The following MYH15 variants were observed in gnomAD, a reference collection of about 807,000 sequenced individuals.
The protein encoded by MYH15 is myosin-15.
A neutral mutation model predicts 240.5 loss-of-function variants in MYH15; 227 were observed. That is an observed-to-expected ratio of 0.94 (90% CI 0.85 to 1.05). The LOEUF (loss-of-function observed/expected upper bound fraction) is 1.05. MYH15 is among the 50% of genes least tolerant of loss of function. The pLI, the probability that MYH15 is intolerant of heterozygous loss-of-function variation, is 0.00. For synonymous variants in MYH15, 785 were observed against 796.7 expected (o/e 0.99, Z 0.25); for missense variants, 2,217 against 2,247.5 (o/e 0.99, Z 0.27).
At chr3:108,537,894 CTTGT>C in the MYH15 span, among the ~76,000 whole-genome samples, 1 of 152,144 alleles carries the variant, frequency 6.6e-6, no homozygotes, top group Non-Finnish European at 1.5e-5. Context: ...TTACTACAGT[CTTGT>C]TTCTCAAAGT....
At chr3:108,529,248 T>G (rs769864661) in intron 1 of MYH15, 1 of 1,601,690 alleles carries the variant, frequency 6.2e-7, no homozygotes, top group Admixed American at 1.7e-5. Flanking sequence ...AAACATATGT[T>G]GGGAGTCCAC....
the MYH15 span, among the ~76,000 whole-genome samples, chr3:108,540,810 A>G: frequency 6.6e-6 from 1 of 152,268 alleles, no homozygotes; most frequent in South Asian, 2.1e-4. Context: ...TAAAACTTGG[A>G]TATGAAAATG....
the MYH15 span, among the ~76,000 whole-genome samples, chr3:108,545,263 C>T: frequency 6.6e-6 from 1 of 152,010 alleles, no homozygotes; most frequent in Non-Finnish European, 1.5e-5. Flanking sequence ...AAGATTTAAC[C>T]CCTAATCTCT....
At chr3:108,478,285 A>G (rs751325774) in intron 11 of MYH15, among the ~76,000 whole-genome samples, 3 of 152,216 alleles carry the variant, frequency 2.0e-5, no homozygotes, top group Non-Finnish European at 4.4e-5. Context: ...ATCAATATAT[A>G]TAATACATAC....
chr3:108,466,532 C>G (rs2083119564), intron 14 of MYH15, among the ~76,000 whole-genome samples: 1 of 152,156 alleles, frequency 6.6e-6, no homozygotes, highest in Non-Finnish European at 1.5e-5. Flanking sequence ...AGTTCCCTTT[C>G]TGTTGTGCTC....
At chr3:108,452,062 T>C (rs916565814) in intron 21 of MYH15, among the ~76,000 whole-genome samples, 18 of 151,190 alleles carry the variant, frequency 1.2e-4, no homozygotes, top group Non-Finnish European at 2.4e-4. Flanking sequence ...GTCAGAAATA[T>C]GAAGACATTT....
rs568044336 is a variant in MYH15, at chr3:108,471,973, A to G, written c.1234-1126T>C. 7.9e-5 allele frequency among the ~76,000 whole-genome samples: 12 copies of G among 152,310 alleles called. No homozygotes were observed. In the South Asian group the frequency reaches 2.5e-3, roughly 32 times the overall value. On this transcript the variant is annotated intron_variant, in intron 12 of 40. Coordinates refer to ENST00000693548, the MANE Select transcript of MYH15 (RefSeq NM_014981.3). ...CTGGAAAGCAACATCTTCATCTGAA[A>G]AACACTCTTAAAGGATCTTCCTAGC... is the stretch of plus-strand genomic sequence containing the variant.
intron 37 of MYH15, among the ~76,000 whole-genome samples, chr3:108,390,182 T>TG (rs1560307960): frequency 6.6e-6 from 1 of 152,120 alleles, no homozygotes; most frequent in African/African-American, 2.4e-5. Flanking sequence ...TAAAACACCT[T>TG]GGGGAAAAAC....
At chr3:108,529,446 C>T (rs2083697668), upstream of MYH15, 1 of 537,108 alleles carries the variant, frequency 1.9e-6, no homozygotes. Context: ...GTGCTTGGGA[C>T]AGGGAAATAA....
rs77735716 is a variant in MYH15, at chr3:108,431,418, C to G, written c.3222-496G>C. On this transcript the variant is annotated intron_variant, in intron 25 of 40. Transcript: ENST00000693548. ...TGTGGTAGTGACTAAGTCTATCTAACAAGATCTAACGTTTTATAAAGAGGA... is the reference window on the plus strand; with the variant it reads ...TGTGGTAGTGACTAAGTCTATCTAAGAAGATCTAACGTTTTATAAAGAGGA... 7.5e-3 allele frequency among the ~76,000 whole-genome samples: 1,143 copies of G among 152,290 alleles called. 18 individuals carry two copies. Among genetic ancestry groups the G allele is most frequent in the African/African-American group, 0.026 (1,069 of 41,542 alleles).
In MYH15 at chr3:108,444,877, G is replaced by A. The variant is rs754969517; in HGVS notation, c.2418C>T (p.Ile806=). Residue 806 remains isoleucine (I), a synonymous_variant, in exon 22 of 41, where the codon ATC becomes ATT. Transcript: ENST00000693548. ...ILEERDALIL[I]QWNIRAFMAV... is the part of the protein sequence containing the mutation. The stretch of plus-strand genomic sequence containing the variant: ...CCATGAAAGCTCTTATGTTCCATTG[G>A]ATCAAAATAAGTGCATCCCTAAATC... The A allele has an allele frequency of 6.2e-7, 1 of 1,611,702 alleles. No homozygotes were observed.
intron 9 of MYH15, among the ~76,000 whole-genome samples, chr3:108,491,165 G>T (rs1434023288): frequency 6.6e-6 from 1 of 152,100 alleles, no homozygotes; most frequent in Non-Finnish European, 1.5e-5. Flanking sequence ...TGGGATTACA[G>T]GTAGGAGTCA....
upstream of MYH15, among the ~76,000 whole-genome samples, chr3:108,531,767 A>AC (rs1183591772): frequency 1.3e-5 from 2 of 148,330 alleles, no homozygotes; most frequent in Non-Finnish European, 3.0e-5. Flanking sequence ...ACAGAGCGAG[A>AC]CCCCATCTCT....
chr3:108,403,197 G>C (rs968663767), intron 33 of MYH15, among the ~76,000 whole-genome samples: 6 of 152,296 alleles, frequency 3.9e-5, no homozygotes, highest in Non-Finnish European at 7.3e-5. Context: ...GGCTCATTCA[G>C]AATCAGGCCT....
chr3:108,485,113 T>A lies in MYH15; in HGVS notation c.1092A>T (p.Gln364His). 3 of 1,614,146 alleles carry A rather than the reference T, an allele frequency of 1.9e-6. No homozygotes were observed. Among genetic ancestry groups the A allele is most frequent in the Non-Finnish European group, 2.5e-6 (3 of 1,179,980 alleles). ...MKFKQKPREE[Q>H]LEADGTENAD... is the part of the protein sequence containing the mutation. The stretch of plus-strand genomic sequence containing the variant: ...TACTTTCTGTGCCATCTGCTTCCAG[T>A]TGCTCTTCTCTAGGTTTCTGTTTAA... The change falls in exon 11 of 41, where the codon CAA (glutamine) becomes CAT (histidine). Residue 364 changes from glutamine (Q) to histidine (H), a missense_variant. Gln to His is a conservative substitution (Grantham distance 24, BLOSUM62 0). Transcript: ENST00000693548.
chr3:108,528,302 C>T (rs943780598), intron 1 of MYH15, among the ~76,000 whole-genome samples: 1 of 151,934 alleles, frequency 6.6e-6, no homozygotes, highest in East Asian at 1.9e-4. Context: ...ATATTGGGGG[C>T]ATATATAAGT....
At chr3:108,468,922 A>T (rs4475046) in intron 14 of MYH15, among the ~76,000 whole-genome samples, 19,929 of 152,192 alleles carry the variant, frequency 0.13, 1,699 homozygotes, top group East Asian at 0.41. Flanking sequence ...TAATGAGACA[A>T]CTACGGCTCT....
At chr3:108,455,153 C>A (rs925437197) in intron 20 of MYH15, among the ~76,000 whole-genome samples, 5 of 152,152 alleles carry the variant, frequency 3.3e-5, no homozygotes, top group Non-Finnish European at 7.4e-5. Context: ...TAGGAACAAA[C>A]TGATGTTGAC....
At chr3:108,472,164 T>G (rs1165732793) in intron 12 of MYH15, among the ~76,000 whole-genome samples, 1 of 152,220 alleles carries the variant, frequency 6.6e-6, no homozygotes, top group Non-Finnish European at 1.5e-5. Context: ...AGTAACCTAC[T>G]GGGGAGAGCG....
Sources: allele counts gnomAD v4.1 joint callset (sites outside exome capture counted in the v4.1 genomes callset), GRCh38; gene constraint gnomAD v4.1.1; transcripts MANE v1.5; gene names NCBI Gene and HGNC (gene_info 2026-07-23, HGNC 2026-07-21).